The following EHD4 variants were observed in gnomAD, a reference collection of about 807,000 sequenced individuals.
The protein encoded by EHD4 is EH domain-containing protein 4.
A neutral mutation model predicts 51.0 loss-of-function variants in EHD4; 37 were observed. The ratio of observed to expected loss-of-function variants is 0.73; its 90% confidence interval spans 0.56 to 0.95. The LOEUF (loss-of-function observed/expected upper bound fraction) is 0.95. Among genes scored for constraint, EHD4 ranks in the 40% least tolerant of loss-of-function variants. EHD4 has a pLI of 0.00. For missense variants in EHD4, 632 were observed against 733.1 expected, an observed-to-expected ratio of 0.86 and a Z score of 1.59; for synonymous variants, 297 against 317.3, an observed-to-expected ratio of 0.94 and a Z score of 0.68.
chr15:41,909,036 G>A (rs2067531199), intron 5 of EHD4, among the ~76,000 whole-genome samples: 1 of 152,208 alleles, frequency 6.6e-6, no homozygotes, highest in South Asian at 2.1e-4. Flanking sequence ...GGGTGGCCTC[G>A]CTTGTGAGGA....
chr15:41,935,819 C>A (rs1041523871), intron 3 of EHD4, among the ~76,000 whole-genome samples: 1 of 152,138 alleles, frequency 6.6e-6, no homozygotes, highest in Non-Finnish European at 1.5e-5. Flanking sequence ...CAGTTGGGTT[C>A]TCGCTTGGGG....
chr15:41,962,828 G>C lies in EHD4; in HGVS notation c.237-8888C>G, dbSNP rs1283233985. Among the ~76,000 whole-genome samples the C allele has an allele frequency of 3.9e-5, 6 of 152,254 alleles. No individual in the cohort carries two copies. The South Asian group carries it at 6.2e-4, about 16-fold the overall frequency. Reference sequence around the variant, plus strand: ...GCTCATTGAGAACGGGCCATGATGAGGATGGCGGTTTTGTCGAATAGAAAA... The same window carrying C: ...GCTCATTGAGAACGGGCCATGATGACGATGGCGGTTTTGTCGAATAGAAAA... On this transcript the variant is annotated intron_variant, in intron 1 of 5. Coordinates refer to ENST00000220325, the MANE Select transcript of EHD4 (RefSeq NM_139265.4).
At chr15:41,961,760 G>A (rs1473950397) in intron 1 of EHD4, among the ~76,000 whole-genome samples, 1 of 152,112 alleles carries the variant, frequency 6.6e-6, no homozygotes. Context: ...ATCTCTTAAG[G>A]TGAAATAACA....
intron 1 of EHD4, 93 bp from the exon 2 acceptor site, chr15:41,954,033 C>T: frequency 7.4e-7 from 1 of 1,358,200 alleles, no homozygotes; most frequent in Non-Finnish European, 1.0e-6. Context: ...TTTACATAAT[C>T]ATTTAAAAAC....
At chr15:41,940,110 C>T (rs1704404) in intron 3 of EHD4, among the ~76,000 whole-genome samples, 10,344 of 152,204 alleles carry the variant, frequency 0.068, 521 homozygotes, top group African/African-American at 0.14. Flanking sequence ...TGAGCCACCG[C>T]GCCCAGCCAC....
At chr15:41,905,051 G>A (rs751971501) in intron 5 of EHD4, among the ~76,000 whole-genome samples, 2 of 152,238 alleles carry the variant, frequency 1.3e-5, no homozygotes, top group Non-Finnish European at 2.9e-5. Context: ...CCTGATATGT[G>A]CAAAGATCAC....
chr15:41,913,994 T>C (rs2067566504), intron 4 of EHD4, among the ~76,000 whole-genome samples: 1 of 152,200 alleles, frequency 6.6e-6, no homozygotes, highest in Non-Finnish European at 1.5e-5. Flanking sequence ...TGAATGTATA[T>C]GTAGTTCACA....
Position 41,899,517 on chromosome 15 carries a change from A to AG in EHD4, c.*1127_*1128insC. 6.6e-6 allele frequency: 1 copy of AG among 152,082 alleles called. No homozygotes were observed. Among genetic ancestry groups the AG allele is most frequent in the African/African-American group, 2.4e-5 (1 of 41,510 alleles). 9.4% of individuals were successfully genotyped at this position (152,082 alleles called of 1,614,324 possible). On this transcript the variant is annotated 3_prime_UTR_variant, in exon 6 of 6. Coordinates refer to ENST00000220325, the MANE Select transcript of EHD4 (RefSeq NM_139265.4). The stretch of plus-strand genomic sequence containing the variant: ...TTTTATCCTGTAAGGAAAAAAAAAA[A>AG]ACACAAAACCCTAGACATAATAAAT...
intron 2 of EHD4, among the ~76,000 whole-genome samples, chr15:41,953,057 A>G (rs1408132293): frequency 2.0e-5 from 3 of 147,134 alleles, no homozygotes; most frequent in Non-Finnish European, 4.5e-5. Flanking sequence ...CATGTTTTTC[A>G]CTCTGTTTCC....
In EHD4 at chr15:41,897,957, C is replaced by T. The variant is rs1221395310; in HGVS notation, c.*2688G>A. On this transcript the variant is annotated 3_prime_UTR_variant, in exon 6 of 6. Transcript: ENST00000220325. ...CCCAGGGTCGGCCCTGCCGCCCTGC[C>T]GTGTGGGGTAGGGAGACAGCTGGTG... 4 of 152,194 alleles carry T rather than the reference C, an allele frequency of 2.6e-5. No homozygotes were observed. The highest frequency in any genetic ancestry group is 4.8e-5 in the African/African-American group (2 of 41,422). 9.4% of individuals were successfully genotyped at this position (152,194 alleles called of 1,614,324 possible).
At chr15:41,965,789 A>T (rs2067957969) in intron 1 of EHD4, among the ~76,000 whole-genome samples, 1 of 152,156 alleles carries the variant, frequency 6.6e-6, no homozygotes, top group Admixed American at 6.5e-5. Flanking sequence ...TAATGTCAGG[A>T]TGGAAAAAGC....
intron 2 of EHD4, among the ~76,000 whole-genome samples, chr15:41,945,345 C>A (rs2067804468): frequency 6.6e-6 from 1 of 152,228 alleles, no homozygotes; most frequent in Non-Finnish European, 1.5e-5. Context: ...AAAGTGACAG[C>A]CTTTCCACAG....
At chr15:41,945,673 G>A (rs2067807117) in intron 2 of EHD4, among the ~76,000 whole-genome samples, 2 of 152,356 alleles carry the variant, frequency 1.3e-5, no homozygotes, top group Admixed American at 6.5e-5. Context: ...ATGCTGCGAG[G>A]TGACAACTGC....
Position 41,949,905 on chromosome 15 carries a change from A to G in EHD4, c.413+3859T>C, listed in dbSNP as rs532529374. Among the ~76,000 whole-genome samples the G allele has an allele frequency of 6.6e-5, 10 of 152,316 alleles. No homozygotes were observed. The South Asian group carries it at 2.1e-3, about 32-fold the overall frequency. ...CTTCCCTGGCGTCTCAGAGGATCCA[A>G]TGCTCTGGGTGCCCTTGGCTGTCTC... On this transcript the variant is annotated intron_variant, in intron 2 of 5. Coordinates refer to ENST00000220325, the MANE Select transcript of EHD4 (RefSeq NM_139265.4).
chr15:41,932,106 T>C (rs1166574477), intron 3 of EHD4, among the ~76,000 whole-genome samples: 1 of 152,212 alleles, frequency 6.6e-6, no homozygotes, highest in Non-Finnish European at 1.5e-5. Context: ...GCACTGTTTG[T>C]AACGGCAAAA....
At chr15:41,903,182 C>T (rs1595528686) in intron 5 of EHD4, among the ~76,000 whole-genome samples, 1 of 151,442 alleles carries the variant, frequency 6.6e-6, no homozygotes. Context: ...CAAAGAGAGG[C>T]CATGCAGGTG....
chr15:41,921,867 G>C (rs930333227), intron 3 of EHD4: 1 of 152,174 alleles, frequency 6.6e-6, no homozygotes, highest in African/African-American at 2.4e-5. Context: ...ATAAGCATGT[G>C]ATCTAGAGTT....
rs201859741 is a variant in EHD4 at position 41,909,748 on chromosome 15, C to T, written c.1040G>A (p.Arg347Gln). 3.1e-5 allele frequency: 50 copies of T among 1,614,068 alleles called. No homozygotes were observed. The highest frequency in any genetic ancestry group is 2.6e-4 in the South Asian group (24 of 91,084). ...RLPEIYIQLQREYQISAGDFP... is the reference protein window; with the variant it reads ...RLPEIYIQLQQEYQISAGDFP... ...GTCCCCTGCAGAAATCTGGTATTCT[C>T]GCTGTAGCTGAATGTAGATTTCCGG... Residue 347 changes from arginine to glutamine, a missense_variant, in exon 5 of 6, where the codon CGA becomes CAA. By Grantham distance (43) the Arg-to-Gln change is conservative. Transcript: ENST00000220325.
At chr15:41,941,115 T>TA (rs896379261) in intron 3 of EHD4, among the ~76,000 whole-genome samples, 265 of 148,306 alleles carry the variant, frequency 1.8e-3, no homozygotes, top group Non-Finnish European at 1.9e-3. Flanking sequence ...AACTGACTCT[T>TA]AAAAAAAAAA....
Sources: gnomAD v4.1 joint callset for allele counts (sites outside exome capture counted in the v4.1 genomes callset) on GRCh38, gnomAD v4.1.1 for gene constraint, MANE v1.5 for transcripts, NCBI Gene and HGNC (gene_info 2026-07-23, HGNC 2026-07-21) for gene names.